Variants in AQR observed in about 807,000 individuals in gnomAD.
AQR encodes the protein RNA helicase aquarius.
Under a neutral mutation model 180.5 loss-of-function variants are expected in AQR, and 61 were observed. That is an observed-to-expected ratio of 0.34 (90% CI 0.28 to 0.42). The LOEUF is 0.42. Ranked by LOEUF, AQR falls within the 10% of genes least tolerant of loss-of-function variation. AQR has a pLI of 1.00. For missense variants in AQR, 1,281 were observed against 1,798.3 expected, an observed-to-expected ratio of 0.71 and a Z score of 5.20; for synonymous variants, 551 against 588.8, an observed-to-expected ratio of 0.94 and a Z score of 0.93.
At chr15:34,931,304 TTTA>T (rs1893855755) in intron 11 of AQR, among the ~76,000 whole-genome samples, 2 of 152,130 alleles carry the variant, frequency 1.3e-5, no homozygotes, top group Non-Finnish European at 2.9e-5. Context: ...ACCCCAAATC[TTTA>T]TTATTTTTAG....
intron 1 of AQR, among the ~76,000 whole-genome samples, chr15:34,968,387 G>T (rs1032704967): frequency 6.6e-6 from 1 of 150,614 alleles, no homozygotes. Context: ...CGAGTAGCTG[G>T]GACCAAAGGC....
chr15:34,868,334 A>G (rs1892768378), intron 31 of AQR: 1 of 152,100 alleles, frequency 6.6e-6, no homozygotes, highest in African/African-American at 2.4e-5. Flanking sequence ...CTGTTTAAAA[A>G]AAAAAGAAGA....
At position 34,870,936 on chromosome 15, in the gene AQR, A is replaced by G; in HGVS notation, c.3598-14T>C. 2 of 1,603,852 alleles carry G rather than the reference A, an allele frequency of 1.2e-6. No homozygotes were observed. Among genetic ancestry groups the G allele is most frequent in the Non-Finnish European group, 1.7e-6 (2 of 1,173,624 alleles). The stretch of plus-strand genomic sequence containing the variant: ...CTCTCCAAGATTCTGTAATGCAAAC[A>G]TAATCAGACTGTGCATTCATTTGCT... On this transcript the variant is annotated splice_polypyrimidine_tract_variant and intron_variant, in intron 30 of 34. Transcript: ENST00000156471.
intron 31 of AQR, chr15:34,869,737 T>G (rs1213079874): frequency 6.6e-6 from 1 of 152,184 alleles, no homozygotes; most frequent in Non-Finnish European, 1.5e-5. Flanking sequence ...TTGATTTTGT[T>G]TTCATTCCTC....
At chr15:34,962,724 G>A (rs1412906219) in intron 2 of AQR, among the ~76,000 whole-genome samples, 3 of 151,266 alleles carry the variant, frequency 2.0e-5, no homozygotes, top group South Asian at 2.1e-4. Flanking sequence ...AGCCAGAATC[G>A]TGCCATTACA....
At chr15:34,939,408 C>T (rs756418446) in intron 8 of AQR, among the ~76,000 whole-genome samples, 1 of 152,148 alleles carries the variant, frequency 6.6e-6, no homozygotes, top group Non-Finnish European at 1.5e-5. Flanking sequence ...TTGTGATTTA[C>T]AAGTCAGACC....
At chr15:34,905,303 A>C (rs1007701264) in intron 18 of AQR, among the ~76,000 whole-genome samples, 1 of 152,056 alleles carries the variant, frequency 6.6e-6, no homozygotes, top group Non-Finnish European at 1.5e-5. Flanking sequence ...GAAGTACAAC[A>C]ACCAAATTGT....
intron 31 of AQR, chr15:34,868,436 C>G (rs1892770578): frequency 6.6e-6 from 1 of 152,114 alleles, no homozygotes; most frequent in Non-Finnish European, 1.5e-5. Flanking sequence ...ATCTTTTCAT[C>G]AATTTGACAA....
At chr15:34,865,011 T>C (rs1892721896) in intron 32 of AQR, among the ~76,000 whole-genome samples, 1 of 152,146 alleles carries the variant, frequency 6.6e-6, no homozygotes, top group Admixed American at 6.6e-5. Context: ...GTTTGTTAAA[T>C]GAATGACCAA....
At position 34,856,230 on chromosome 15, in the gene AQR, T is replaced by C. The variant is rs1007777616; in HGVS notation, c.*562A>G. 5.1e-5 allele frequency: 12 copies of C among 234,336 alleles called. No individual in the cohort carries two copies. Among genetic ancestry groups the C allele is most frequent in the Non-Finnish European group, 6.5e-5 (8 of 122,838 alleles). The allele number at this position is 234,336 out of a possible 1,614,324, so 14.5% of individuals were successfully genotyped here. On this transcript the variant is annotated 3_prime_UTR_variant, in exon 35 of 35. Coordinates refer to ENST00000156471, the MANE Select transcript of AQR (RefSeq NM_014691.3). ...GTGCCTCAAGAATAAACAGACATCTTAGGTGATTCTAAGGCATTCTAAGAT... is the reference window on the plus strand; with the variant it reads ...GTGCCTCAAGAATAAACAGACATCTCAGGTGATTCTAAGGCATTCTAAGAT...
intron 17 of AQR, among the ~76,000 whole-genome samples, chr15:34,908,291 G>C (rs1178197691): frequency 2.6e-5 from 4 of 152,078 alleles, no homozygotes; most frequent in Non-Finnish European, 5.9e-5. Flanking sequence ...CAAAAAATTA[G>C]CTGGGCGTGG....
intron 13 of AQR, among the ~76,000 whole-genome samples, chr15:34,922,843 T>C (rs1566990048): frequency 6.6e-6 from 1 of 152,154 alleles, no homozygotes; most frequent in South Asian, 2.1e-4. Context: ...CTAATAGGTA[T>C]GTAGTATCTT....
chr15:34,933,653 C>T (rs892659895), intron 10 of AQR, among the ~76,000 whole-genome samples: 1 of 152,146 alleles, frequency 6.6e-6, no homozygotes, highest in Non-Finnish European at 1.5e-5. Flanking sequence ...CACTGCTGGA[C>T]TCATGTTTAA....
In AQR at chr15:34,870,774, G is replaced by A; in HGVS notation, c.3746C>T (p.Pro1249Leu). The A allele has an allele frequency of 6.2e-7, 1 of 1,611,702 alleles. No homozygotes were observed. The highest frequency in any genetic ancestry group is 8.5e-7 in the Non-Finnish European group (1 of 1,178,980). Residue 1249 changes from proline (P) to leucine (L), a missense_variant, in exon 31 of 35, where the codon CCA (proline) becomes CTA (leucine). Physicochemically the swap from Pro to Leu is moderately conservative, Grantham distance 98 (BLOSUM62 -3). Around this residue, in one of 9 missense-constraint regions of AQR, gnomAD observed 197 missense variants for 320.7 expected, o/e 0.61. Transcript: ENST00000156471. ...DIINRRCGNN[P>L]LIGRPNKVTT... is the part of the protein sequence containing the mutation. ...TACCTTGTTTGGTCTTCCAATCAAT[G>A]GATTGTTTCCACATCGTCTATTGAT...
chr15:34,942,576 G>A (rs1190466996), intron 6 of AQR, among the ~76,000 whole-genome samples: 8 of 152,212 alleles, frequency 5.3e-5, no homozygotes, highest in Non-Finnish European at 1.0e-4. Context: ...GGTGCAAGAA[G>A]GCTGTGATAT....
At chr15:34,888,338 C>T (rs1259344147) in intron 24 of AQR, among the ~76,000 whole-genome samples, 1 of 151,660 alleles carries the variant, frequency 6.6e-6, no homozygotes, top group Non-Finnish European at 1.5e-5. Context: ...ATATACAGTA[C>T]AATTAAACTC....
intron 16 of AQR, among the ~76,000 whole-genome samples, chr15:34,911,096 A>G (rs578014295): frequency 3.3e-5 from 5 of 152,276 alleles, no homozygotes; most frequent in African/African-American, 9.6e-5. Context: ...CCATGTTGTC[A>G]AAAAAAGGAT....
intron 23 of AQR, among the ~76,000 whole-genome samples, 186 bp from the exon 24 acceptor site, chr15:34,890,510 A>G (rs1377066744): frequency 3.3e-5 from 5 of 152,224 alleles, no homozygotes; most frequent in African/African-American, 1.2e-4. Context: ...ATGGATAACT[A>G]GAAACCATAA....
intron 20 of AQR, among the ~76,000 whole-genome samples, chr15:34,898,859 G>A (rs969624274): frequency 2.1e-5 from 3 of 143,506 alleles, no homozygotes; most frequent in Non-Finnish European, 3.0e-5. Context: ...ACTCCAGCCC[G>A]GGTGACAGAG....
Sources: allele counts gnomAD v4.1 joint callset (sites outside exome capture counted in the v4.1 genomes callset), GRCh38; gene constraint gnomAD v4.1.1; regional missense constraint gnomAD v4.1.1; transcripts MANE v1.5; gene names NCBI Gene and HGNC (gene_info 2026-07-23, HGNC 2026-07-21).